EIF4ENIF1: variants seen among roughly 807,000 people sequenced by gnomAD.
The protein encoded by EIF4ENIF1 is eukaryotic translation initiation factor 4E transporter.
Under a neutral mutation model 110.5 loss-of-function variants are expected in EIF4ENIF1, and 23 were observed. The observed-to-expected ratio is 0.21, with a 90% CI of 0.15 to 0.29. The LOEUF is 0.29. Ranked by LOEUF, EIF4ENIF1 falls within the 10% of genes least tolerant of loss-of-function variation. The pLI, the probability that EIF4ENIF1 is intolerant of heterozygous loss-of-function variation, is 1.00. For synonymous variants in EIF4ENIF1, 440 were observed against 437.0 expected, an observed-to-expected ratio of 1.01 and a Z score of -0.09; for missense variants, 1,031 against 1,221.1, an observed-to-expected ratio of 0.84 and a Z score of 2.32.
At chr22:31,488,901 A>C (rs1278638552) in intron 1 of EIF4ENIF1, 156 bp from the exon 2 acceptor site, 6 of 791,338 alleles carry the variant, frequency 7.6e-6, no homozygotes, top group Non-Finnish European at 1.2e-5. Context: ...TAGAACTTGG[A>C]GATAGAATCA....
At chr22:31,491,698 A>G (rs1382604218), upstream of EIF4ENIF1, among the ~76,000 whole-genome samples, 1 of 152,100 alleles carries the variant, frequency 6.6e-6, no homozygotes, top group African/African-American at 2.4e-5. Flanking sequence ...CTGCCACTAC[A>G]GCAGGCTAAT....
chr22:31,486,504 T>C (rs1473590040), intron 2 of EIF4ENIF1, among the ~76,000 whole-genome samples: 2 of 151,824 alleles, frequency 1.3e-5, no homozygotes, highest in African/African-American at 4.8e-5. Context: ...GGGGGCCAGG[T>C]GCAGTGGCTC....
intron 9 of EIF4ENIF1, among the ~76,000 whole-genome samples, chr22:31,454,696 G>C (rs2050764870): frequency 6.6e-6 from 1 of 152,066 alleles, no homozygotes; most frequent in Admixed American, 6.6e-5. Flanking sequence ...TTGTTACCTG[G>C]GACAAGAATC....
chr22:31,483,204 A>ATGAT (rs1428190307), intron 2 of EIF4ENIF1, among the ~76,000 whole-genome samples: 1 of 123,486 alleles, frequency 8.1e-6, no homozygotes, highest in Non-Finnish European at 1.7e-5. Flanking sequence ...CTGCCAGGAG[A>ATGAT]CGATCTTTTT....
At chr22:31,465,571 T>G (rs927986145) in intron 4 of EIF4ENIF1, among the ~76,000 whole-genome samples, 6 of 152,208 alleles carry the variant, frequency 3.9e-5, no homozygotes, top group Admixed American at 3.9e-4. Flanking sequence ...ACACCACTGG[T>G]GGAAACGTAA....
intron 10 of EIF4ENIF1, among the ~76,000 whole-genome samples, chr22:31,452,408 G>A (rs1469827975): frequency 6.6e-6 from 1 of 152,140 alleles, no homozygotes; most frequent in Non-Finnish European, 1.5e-5. Flanking sequence ...CCGTTTGGCA[G>A]GTGTTTGAGG....
chr22:31,489,303 TC>T, intron 1 of EIF4ENIF1: 1 of 152,862 alleles, frequency 6.5e-6, no homozygotes, highest in Non-Finnish European at 1.5e-5. Context: ...AAACTTGGCT[TC>T]CCCGGGCCGC....
At chr22:31,478,342 G>A (rs1390801146) in intron 2 of EIF4ENIF1, among the ~76,000 whole-genome samples, 1 of 147,202 alleles carries the variant, frequency 6.8e-6, no homozygotes, top group African/African-American at 2.4e-5. Context: ...GTGAAACCAC[G>A]TCTCTACTAA....
At chr22:31,480,136 G>C (rs959353475) in intron 2 of EIF4ENIF1, among the ~76,000 whole-genome samples, 1 of 152,162 alleles carries the variant, frequency 6.6e-6, no homozygotes, top group African/African-American at 2.4e-5. Flanking sequence ...ACCTGACTAG[G>C]CAAGAACAAG....
At chr22:31,437,962 T>A (rs538001285), downstream of EIF4ENIF1, 1 of 152,366 alleles carries the variant, frequency 6.6e-6, no homozygotes, top group Admixed American at 6.5e-5. Flanking sequence ...ACTGACTTCA[T>A]GCATAATCCA....
intron 4 of EIF4ENIF1, among the ~76,000 whole-genome samples, chr22:31,466,749 T>C (rs1345569531): frequency 1.3e-5 from 2 of 152,084 alleles, no homozygotes; most frequent in Non-Finnish European, 2.9e-5. Context: ...TATATACACA[T>C]GTCAAGACAT....
rs1164488796 is a variant in EIF4ENIF1 at position 31,454,379 on chromosome 22, G to A, written c.1280-3C>T. ...TGAAAGCACAACCCCTGAATGTGCTGAGAAGTTGAGAACGTCCAGGTTAAA... is the reference window on the plus strand; with the variant it reads ...TGAAAGCACAACCCCTGAATGTGCTAAGAAGTTGAGAACGTCCAGGTTAAA... On this transcript the variant is annotated splice_polypyrimidine_tract_variant and splice_region_variant and intron_variant, in intron 9 of 18. Transcript: ENST00000330125. 4 of 1,612,818 alleles carry A rather than the reference G, an allele frequency of 2.5e-6. No individual in the cohort carries two copies. The South Asian group carries it at 4.4e-5, about 18-fold the overall frequency.
At chr22:31,480,410 C>G (rs1197824590) in intron 2 of EIF4ENIF1, among the ~76,000 whole-genome samples, 1 of 152,194 alleles carries the variant, frequency 6.6e-6, no homozygotes, top group East Asian at 1.9e-4. Context: ...GATGGACCTT[C>G]TGACATTATG....
intron 2 of EIF4ENIF1, among the ~76,000 whole-genome samples, chr22:31,473,893 C>T (rs977349600): frequency 6.6e-6 from 1 of 152,144 alleles, no homozygotes; most frequent in Non-Finnish European, 1.5e-5. Flanking sequence ...AGTTAGCATC[C>T]ATTAATGATT....
At chr22:31,445,810 C>T (rs2050445210) in intron 14 of EIF4ENIF1, among the ~76,000 whole-genome samples, 1 of 152,138 alleles carries the variant, frequency 6.6e-6, no homozygotes, top group Admixed American at 6.5e-5. Flanking sequence ...AGGGACACAA[C>T]TGTACACAGG....
chr22:31,442,097 G>A lies in EIF4ENIF1; in HGVS notation c.2228C>T (p.Ser743Phe). The change falls in exon 17 of 19, where the codon TCT becomes TTT. Residue 743 changes from serine to phenylalanine, a missense_variant. Physicochemically the swap from Ser to Phe is radical, Grantham distance 155 (BLOSUM62 -2). Around this residue, in one of 3 missense-constraint regions of EIF4ENIF1, gnomAD observed 309 missense variants for 299.1 expected, o/e 1.03. Transcript: ENST00000330125. ...ASEENLLSSSSVPSADRDSSP... is the reference protein window; with the variant it reads ...ASEENLLSSSFVPSADRDSSP... ...AGAGTCTCGATCGGCACTGGGTACA[G>A]AGCTGGATGACAGGAGGTTTTCTGT... The A allele has an allele frequency of 6.2e-7, 1 of 1,608,118 alleles. No individual in the cohort carries two copies. Among genetic ancestry groups the A allele is most frequent in the Non-Finnish European group, 8.5e-7 (1 of 1,176,064 alleles).
chr22:31,491,657 C>T (rs2052285222), upstream of EIF4ENIF1, among the ~76,000 whole-genome samples: 1 of 152,198 alleles, frequency 6.6e-6, no homozygotes, highest in Admixed American at 6.5e-5. Flanking sequence ...GCTCCAGCCT[C>T]AGCCTCCCAA....
chr22:31,450,549 G>C (rs2050614104), intron 10 of EIF4ENIF1, 189 bp from the exon 11 acceptor site: 1 of 477,424 alleles, frequency 2.1e-6, no homozygotes, highest in Non-Finnish European at 3.9e-6. Context: ...GGGATGGAAA[G>C]ACCGTTCACA....
chr22:31,443,337 G>A lies in EIF4ENIF1; in HGVS notation c.2074-243C>T, dbSNP rs554158939. 2.6e-4 allele frequency: 100 copies of A among 391,444 alleles called. 1 individual carries two copies. In the South Asian group the frequency reaches 4.3e-3, roughly 17 times the overall value. The allele number at this position is 391,444 out of a possible 1,614,324, so 24.2% of individuals were successfully genotyped here. ...GGGGACATGCCTATGCAGCCTCTGC[G>A]TCACAGATTTCCCAGCCTGGGATTA... On this transcript the variant is annotated intron_variant, in intron 15 of 18. Coordinates refer to ENST00000330125, the MANE Select transcript of EIF4ENIF1 (RefSeq NM_019843.4).
Sources: allele counts gnomAD v4.1 joint callset (sites outside exome capture counted in the v4.1 genomes callset), GRCh38; gene constraint gnomAD v4.1.1; regional missense constraint gnomAD v4.1.1; transcripts MANE v1.5; gene names NCBI Gene and HGNC (gene_info 2026-07-23, HGNC 2026-07-21).